SORCS1: variants seen among roughly 807,000 people sequenced by gnomAD.
SORCS1 encodes VPS10 domain-containing receptor SorCS1.
SORCS1 carries 60 observed loss-of-function variants against 146.1 expected under a neutral mutation model. That is an observed-to-expected ratio of 0.41 (90% CI 0.33 to 0.51). SORCS1 has a LOEUF of 0.51. Among genes scored for constraint, SORCS1 ranks in the 20% least tolerant of loss-of-function variants. The pLI, the probability that SORCS1 is intolerant of heterozygous loss-of-function variation, is 0.21. For missense variants in SORCS1, 1,352 were observed against 1,487.6 expected, an observed-to-expected ratio of 0.91 and a Z score of 1.50; for synonymous variants, 637 against 584.0, an observed-to-expected ratio of 1.09 and a Z score of -1.31.
chr10:106,903,844 C>T (rs563598628), intron 2 of SORCS1, among the ~76,000 whole-genome samples: 14 of 152,124 alleles, frequency 9.2e-5, no homozygotes, highest in Non-Finnish European at 1.9e-4. Context: ...TATGTCCATG[C>T]TTGTATGCAT....
intron 2 of SORCS1, among the ~76,000 whole-genome samples, chr10:106,883,429 T>C (rs1212466507): frequency 1.3e-5 from 2 of 151,830 alleles, no homozygotes; most frequent in Non-Finnish European, 2.9e-5. Flanking sequence ...TTTTTTTTTT[T>C]TTTGAGACGG....
At chr10:106,580,116 C>T (rs949223017) in intron 24 of SORCS1, among the ~76,000 whole-genome samples, 6 of 152,202 alleles carry the variant, frequency 3.9e-5, no homozygotes, top group Admixed American at 1.3e-4. Context: ...AGTTGTCATA[C>T]GTGAGAGAAA....
At chr10:107,029,889 G>T (rs1268220911) in intron 1 of SORCS1, among the ~76,000 whole-genome samples, 1 of 152,140 alleles carries the variant, frequency 6.6e-6, no homozygotes, top group Non-Finnish European at 1.5e-5. Flanking sequence ...TAGGTAGAGG[G>T]AACAGTGTAT....
At chr10:106,785,002 T>G (rs1440691946) in intron 3 of SORCS1, among the ~76,000 whole-genome samples, 1 of 152,172 alleles carries the variant, frequency 6.6e-6, no homozygotes, top group Non-Finnish European at 1.5e-5. Context: ...ACAGAATCCA[T>G]CCACATTCTT....
At chr10:107,049,261 T>G (rs796993194) in intron 1 of SORCS1, among the ~76,000 whole-genome samples, 1,296 of 111,416 alleles carry the variant, frequency 0.012, 12 homozygotes, top group South Asian at 0.024. Context: ...ACACTCTGGG[T>G]ACTGTTGTGG....
chr10:106,610,954 C>T (rs1846941232), intron 22 of SORCS1, among the ~76,000 whole-genome samples: 1 of 152,140 alleles, frequency 6.6e-6, no homozygotes, highest in Non-Finnish European at 1.5e-5. Context: ...GTGGCAAGCA[C>T]CTGTAATCCC....
chr10:106,746,131 G>A (rs947225390), intron 5 of SORCS1, among the ~76,000 whole-genome samples: 37 of 152,198 alleles, frequency 2.4e-4, no homozygotes, highest in African/African-American at 8.9e-4. Flanking sequence ...TGGGATTCTG[G>A]ATTGTACCCT....
At chr10:107,078,889 C>T (rs903265198) in intron 1 of SORCS1, among the ~76,000 whole-genome samples, 3 of 152,180 alleles carry the variant, frequency 2.0e-5, no homozygotes, top group Non-Finnish European at 4.4e-5. Context: ...GTATTTTTCA[C>T]AAATTACACA....
intron 1 of SORCS1, among the ~76,000 whole-genome samples, chr10:107,038,198 G>A (rs1350605767): frequency 2.6e-5 from 4 of 152,172 alleles, no homozygotes; most frequent in African/African-American, 9.7e-5. Context: ...AGGAAAAACG[G>A]AGATTCATCA....
At chr10:106,804,806 A>G in intron 3 of SORCS1, among the ~76,000 whole-genome samples, 1 of 152,172 alleles carries the variant, frequency 6.6e-6, no homozygotes, top group East Asian at 1.9e-4. Flanking sequence ...CGTACTCAGA[A>G]TTAAAGCAGG....
At chr10:107,055,330 G>A (rs1019671558) in intron 1 of SORCS1, among the ~76,000 whole-genome samples, 2 of 152,328 alleles carry the variant, frequency 1.3e-5, no homozygotes, top group Non-Finnish European at 2.9e-5. Context: ...ATCTGGCACA[G>A]GGGAAACAGG....
At chr10:106,878,767 A>C (rs2137687369) in intron 2 of SORCS1, among the ~76,000 whole-genome samples, 1 of 150,746 alleles carries the variant, frequency 6.6e-6, no homozygotes, top group Non-Finnish European at 1.5e-5. Context: ...TTTACATATA[A>C]AAATTTCTAG....
At chr10:107,086,043 A>C (rs2134272221) in intron 1 of SORCS1, among the ~76,000 whole-genome samples, 1 of 152,366 alleles carries the variant, frequency 6.6e-6, no homozygotes, top group African/African-American at 2.4e-5. Flanking sequence ...ATGCTGTCAA[A>C]ATAAGGATTT....
At chr10:107,136,333 GA>G (rs1032650854) in intron 1 of SORCS1, among the ~76,000 whole-genome samples, 2 of 152,156 alleles carry the variant, frequency 1.3e-5, no homozygotes, top group African/African-American at 2.4e-5. Context: ...AAACCAAAAA[GA>G]ATGAGAGAAC....
chr10:106,840,584 G>A (rs1449685584), intron 2 of SORCS1, among the ~76,000 whole-genome samples: 3 of 152,046 alleles, frequency 2.0e-5, no homozygotes, highest in African/African-American at 4.8e-5. Flanking sequence ...AGTAATGGCA[G>A]GATGTGAGAG....
intron 3 of SORCS1, among the ~76,000 whole-genome samples, chr10:106,805,708 T>C (rs563306552): frequency 6.6e-6 from 1 of 152,250 alleles, no homozygotes; most frequent in East Asian, 1.9e-4. Flanking sequence ...ATGTGGCATT[T>C]ATTAATTTTT....
At chr10:107,120,282 A>T (rs760518203) in intron 1 of SORCS1, among the ~76,000 whole-genome samples, 8 of 152,178 alleles carry the variant, frequency 5.3e-5, no homozygotes, top group Non-Finnish European at 1.2e-4. Context: ...ATACAGCATA[A>T]AGCATCTCTT....
At chr10:106,619,700 T>C (rs1056643372) in intron 20 of SORCS1, among the ~76,000 whole-genome samples, 1 of 152,188 alleles carries the variant, frequency 6.6e-6, no homozygotes, top group Non-Finnish European at 1.5e-5. Flanking sequence ...TGGCCTCTTA[T>C]GAAGCAGCTG....
At chr10:106,935,707 A>G (rs955992732) in intron 2 of SORCS1, among the ~76,000 whole-genome samples, 1 of 152,238 alleles carries the variant, frequency 6.6e-6, no homozygotes, top group Non-Finnish European at 1.5e-5. Flanking sequence ...TCTATGAAAT[A>G]AAACAATTTG....
Sources: gnomAD v4.1 joint callset for allele counts (sites outside exome capture counted in the v4.1 genomes callset) on GRCh38, gnomAD v4.1.1 for gene constraint, MANE v1.5 for transcripts, NCBI Gene and HGNC (gene_info 2026-07-23, HGNC 2026-07-21) for gene names.